The following CLUH variants were observed in gnomAD, a reference collection of about 807,000 sequenced individuals.
CLUH encodes the protein CLUH binding protein of NUMT mRNA, also known as clustered mitochondria protein homolog.
In CLUH, 77 loss-of-function variants were observed where a neutral mutation model predicts 139.3. That is an observed-to-expected ratio of 0.55 (90% confidence interval 0.46 to 0.67). The LOEUF (loss-of-function observed/expected upper bound fraction) is 0.67. CLUH is among the 30% of genes least tolerant of loss of function. The pLI is 0.00. For synonymous variants in CLUH, 999 were observed against 801.6 expected (o/e 1.25, Z -4.16); for missense variants, 1,876 against 1,875.8 (o/e 1.00, Z 0.00).
chr17:2,696,028 G>A, intron 13 of CLUH, 131 bp downstream of exon 13: 1 of 730,048 alleles, frequency 1.4e-6, no homozygotes, highest in Non-Finnish European at 2.3e-6. Context: ...TGTCAAACGG[G>A]GATGCCCACT....
chr17:2,702,131 G>C, intron 3 of CLUH, 74 bp from the exon 4 acceptor site: 1 of 1,538,044 alleles, frequency 6.5e-7, no homozygotes, highest in South Asian at 1.2e-5. Context: ...CACAAAACAG[G>C]TTTTGGAGGT....
At chr17:2,692,150 G>C in intron 22 of CLUH, 53 bp from the exon 23 acceptor site, 2 of 1,529,360 alleles carry the variant, frequency 1.3e-6, no homozygotes, top group Non-Finnish European at 1.8e-6. Flanking sequence ...GGCTGGGTGT[G>C]GGGGCCTGAC....
chr17:2,703,579 G>A lies in CLUH; in HGVS notation c.304-90C>T, dbSNP rs1567595798. 1 of 1,288,372 alleles carries A rather than the reference G, an allele frequency of 7.8e-7. No homozygotes were observed. Among genetic ancestry groups the A allele is most frequent in the Non-Finnish European group, 1.1e-6 (1 of 917,982 alleles). The allele number at this position is 1,288,372 out of a possible 1,614,324, so 79.8% of individuals were successfully genotyped here. A position where few individuals can be genotyped will look rare whatever the true frequency, so the allele number is the denominator to read the frequency against. ...CGCCCCGGTGAGAGGCCACGTAGCG[G>A]ACAGCAAGGACAATATCCCCTTGTC... is the stretch of plus-strand genomic sequence containing the variant. On this transcript the variant is annotated intron_variant, in intron 2 of 25. Transcript: ENST00000651024. This position sits in a 1 kb window ranked among gnomAD's most constrained non-coding sequence, Gnocchi z 4.2.
Position 2,691,825 on chromosome 17 carries a change from G to A in CLUH, c.3725C>T (p.Ala1242Val). 2.5e-6 allele frequency: 4 copies of A among 1,568,800 alleles called. No homozygotes were observed. Among genetic ancestry groups the A allele is most frequent in the South Asian group, 1.2e-5 (1 of 85,704 alleles). Reference protein sequence around the residue: ...YLKCLTQQAVALQRTMNEIYR... With the variant: ...YLKCLTQQAVVLQRTMNEIYR... Reference sequence around the variant, plus strand: ...GATCTCGTTCATGGTGCGCTGCAGGGCCACGGCCTGCTGGGTCAGGCACTT... The same window carrying A: ...GATCTCGTTCATGGTGCGCTGCAGGACCACGGCCTGCTGGGTCAGGCACTT... The change falls in exon 24 of 26, where the codon GCC becomes GTC. Residue 1242 changes from alanine to valine, a missense_variant. Ala to Val is a moderately conservative substitution (Grantham distance 64). Coordinates refer to ENST00000651024, the MANE Select transcript of CLUH (RefSeq NM_001366661.1).
At chr17:2,697,347 C>T (rs562920737) in intron 10 of CLUH, among the ~76,000 whole-genome samples, 11 of 150,938 alleles carry the variant, frequency 7.3e-5, no homozygotes, top group Middle Eastern at 3.4e-3. Context: ...TGCGGTGAGC[C>T]GGGATCGTGC....
At chr17:2,700,514 T>C (rs1248840705) in intron 8 of CLUH, 40 bp from the exon 9 acceptor site, 1 of 1,592,228 alleles carries the variant, frequency 6.3e-7, no homozygotes, top group African/African-American at 1.3e-5. Flanking sequence ...GCTCAGCCTG[T>C]GCCCTGTGAC....
chr17:2,695,568 C>T lies in CLUH; in HGVS notation c.2392-42G>A, dbSNP rs142710710. 750 of 1,538,814 alleles carry T rather than the reference C, an allele frequency of 4.9e-4. 2 individuals carry two copies. In the African/African-American group the frequency reaches 9.0e-3, roughly 18 times the overall value. On this transcript the variant is annotated intron_variant, in intron 13 of 25. Transcript: ENST00000651024. ...CTCAGGCCCCCACCCAGCTCCTCTG[C>T]CTCCACCCAACTGAGTCCTTCTGGG...
rs534457309 is a variant in CLUH at position 2,699,626 on chromosome 17, CTGAGA to C, written c.1266+751_1266+755del. 4.6e-3 allele frequency among the ~76,000 whole-genome samples: 662 copies of C among 143,740 alleles called. 4 individuals carry two copies. The highest frequency in any genetic ancestry group is 0.016 in the African/African-American group (639 of 40,916). The allele number at this position is 143,740 out of a possible 152,430, so 94.3% of individuals were successfully genotyped here. ...TACAGGCGTGAGCCACTGTGCCTGG[CTGAGA>C]TTTCTTTTTTTTTTTTTTGAGACGT... On this transcript the variant is annotated intron_variant, in intron 9 of 25. Coordinates refer to ENST00000651024, the MANE Select transcript of CLUH (RefSeq NM_001366661.1).
Position 2,695,117 on chromosome 17 carries a change from G to C in CLUH, c.2608-16C>G, listed in dbSNP as rs1255891384. On this transcript the variant is annotated splice_polypyrimidine_tract_variant and intron_variant, in intron 15 of 25. Coordinates refer to ENST00000651024, the MANE Select transcript of CLUH (RefSeq NM_001366661.1). ...GCTCGACTCCCTGCGAGGCAGGTTGGATCCGAGTCATGAGGGCCCTCAGCC... is the reference window on the plus strand; with the variant it reads ...GCTCGACTCCCTGCGAGGCAGGTTGCATCCGAGTCATGAGGGCCCTCAGCC... 3.7e-6 allele frequency: 6 copies of C among 1,612,474 alleles called. No individual in the cohort carries two copies. The South Asian group carries it at 5.5e-5, about 15-fold the overall frequency.
intron 7 of CLUH, 38 bp downstream of exon 7, chr17:2,701,102 G>A: frequency 6.2e-7 from 1 of 1,613,204 alleles, no homozygotes; most frequent in Non-Finnish European, 8.5e-7. Flanking sequence ...ATGCCCCCGT[G>A]TGCCATGAGA....
rs1065479 is a variant in CLUH, at chr17:2,703,421, G to A, written c.372C>T (p.Arg124=). 0.59 allele frequency: 956,987 copies of A among 1,612,948 alleles called. 288,106 individuals carry two copies. The highest frequency in any genetic ancestry group is 0.64 in the Admixed American group (38,127 of 59,928). ...VLMDREDTCH[R]TCFSLHLDGN... Reference sequence around the variant, plus strand: ...CATCCAGGTGCAGTGAGAAGCAGGTGCGGTGACACGTGTCCTCCCGGTCCA... The same window carrying A: ...CATCCAGGTGCAGTGAGAAGCAGGTACGGTGACACGTGTCCTCCCGGTCCA... The change falls in exon 3 of 26, where the codon CGC becomes CGT. Residue 124 remains arginine (R), a synonymous_variant. Coordinates refer to ENST00000651024, the MANE Select transcript of CLUH (RefSeq NM_001366661.1). This position sits in a 1 kb window ranked among gnomAD's most constrained non-coding sequence, Gnocchi z 4.2.
intron 7 of CLUH, 94 bp downstream of exon 7, chr17:2,701,046 T>C: frequency 1.3e-6 from 2 of 1,594,624 alleles, no homozygotes; most frequent in Non-Finnish European, 1.7e-6. Context: ...CCCAGGGCGG[T>C]TTCTTCAGAC....
At chr17:2,708,010 A>T (rs1404001519) in intron 1 of CLUH, 1 of 985,274 alleles carries the variant, frequency 1.0e-6, no homozygotes, top group African/African-American at 1.7e-5. Flanking sequence ...CTCTGCCAGG[A>T]GGGAACCAAG....
Position 2,689,998 on chromosome 17 carries a change from ACGG to A in CLUH, c.*593_*595del, listed in dbSNP as rs1017320700. On this transcript the variant is annotated 3_prime_UTR_variant, in exon 26 of 26. Coordinates refer to ENST00000651024, the MANE Select transcript of CLUH (RefSeq NM_001366661.1). ...CAGCAGCCAGACCACGCCAGTCACA[ACGG>A]CGGCTCCCGTCCCGCCCCAAACTAA... 1 of 151,930 alleles carries A rather than the reference ACGG, an allele frequency of 6.6e-6. No homozygotes were observed. Among genetic ancestry groups the A allele is most frequent in the Non-Finnish European group, 1.5e-5 (1 of 68,006 alleles). The allele number at this position is 151,930 out of a possible 1,614,324, so 9.4% of individuals were successfully genotyped here.
chr17:2,707,938 C>T lies in CLUH; in HGVS notation c.101-3374G>A. 1 of 985,466 alleles carries T rather than the reference C, an allele frequency of 1.0e-6. No individual in the cohort carries two copies. Among genetic ancestry groups the T allele is most frequent in the Non-Finnish European group, 1.2e-6 (1 of 829,932 alleles). The allele number at this position is 985,466 out of a possible 1,614,324, so 61.0% of individuals were successfully genotyped here. A position where few individuals can be genotyped will look rare whatever the true frequency, so the allele number is the denominator to read the frequency against. ...CCCAGAGGACAACTGCACCCGTGCC[C>T]CTGGCCTCCAGGCTCCATCAAGAAG... On this transcript the variant is annotated intron_variant, in intron 1 of 25. Coordinates refer to ENST00000651024, the MANE Select transcript of CLUH (RefSeq NM_001366661.1). This position sits in a 1 kb window ranked among gnomAD's most constrained non-coding sequence, Gnocchi z 7.4.
Position 2,700,735 on chromosome 17 carries a change from C to A in CLUH, c.1116G>T (p.Val372=), listed in dbSNP as rs768923028. Residue 372 remains valine (V), a synonymous_variant, in exon 8 of 26, where the codon GTG becomes GTT. Transcript: ENST00000651024. ...TCGAGGTGTAGGCGTCCTCTGCACG[C>A]ACGCAATCCATGGCATGCTCCGCCT... ...APQAEHAMDC[V]RAEDAYTSRL... is the part of the protein sequence containing the mutation. 1 of 1,546,080 alleles carries A rather than the reference C, an allele frequency of 6.5e-7. No individual in the cohort carries two copies. Among genetic ancestry groups the A allele is most frequent in the Non-Finnish European group, 8.7e-7 (1 of 1,151,698 alleles).
chr17:2,691,349 G>A (rs2069622631), intron 25 of CLUH, among the ~76,000 whole-genome samples: 1 of 152,122 alleles, frequency 6.6e-6, no homozygotes, highest in African/African-American at 2.4e-5. Context: ...GGATCGCAAG[G>A]TTAAGAGTTC....
At position 2,692,430 on chromosome 17, in the gene CLUH, C is replaced by T. The variant is rs1241641121; in HGVS notation, c.3491G>A (p.Arg1164His). ...GACGGCCAGCGCGTTCTCCAGGAAG[C>T]GCAGCGACAGGTCGTACTCCATCAC... ...HGVMEYDLSLRFLENALAVST... is the reference protein window; with the variant it reads ...HGVMEYDLSLHFLENALAVST... Residue 1164 changes from arginine to histidine, a missense_variant, in exon 22 of 26, where the codon CGC becomes CAC. By Grantham distance (29) the Arg-to-His change is conservative. Around this residue, in one of 3 missense-constraint regions of CLUH, gnomAD observed 1,454 missense variants for 1,384.4 expected, o/e 1.05. Transcript: ENST00000651024. 1.3e-6 allele frequency: 2 copies of T among 1,599,968 alleles called. No homozygotes were observed. Among genetic ancestry groups the T allele is most frequent in the South Asian group, 1.1e-5 (1 of 91,024 alleles).
intron 17 of CLUH, 30 bp from the exon 18 acceptor site, chr17:2,694,306 C>A (rs1314260332): frequency 1.9e-6 from 3 of 1,563,486 alleles, no homozygotes; most frequent in East Asian, 4.5e-5. Context: ...CCACAGGAAG[C>A]CTCAGGCCCA....
Sources: gnomAD v4.1 joint callset for allele counts (sites outside exome capture counted in the v4.1 genomes callset) on GRCh38, gnomAD v4.1.1 for gene constraint, gnomAD v4.1.1 regional missense constraint, Gnocchi (gnomAD v3.1) non-coding constraint, MANE v1.5 for transcripts, NCBI Gene and HGNC (gene_info 2026-07-23, HGNC 2026-07-21) for gene names.